PACSIN2: variants seen among roughly 807,000 people sequenced by gnomAD.
PACSIN2 encodes the protein protein kinase C and casein kinase substrate in neurons 2.
Under a neutral mutation model 63.8 loss-of-function variants are expected in PACSIN2, and 25 were observed. That is an observed-to-expected ratio of 0.39 (90% CI 0.29 to 0.55). The LOEUF is 0.55. Ranked by LOEUF, PACSIN2 falls within the 20% of genes least tolerant of loss-of-function variation. The probability of loss-of-function intolerance (pLI) is 0.62; values close to 1 mark genes in which losing one functional copy is unlikely to be tolerated. For missense variants in PACSIN2, 518 were observed against 646.9 expected, an observed-to-expected ratio of 0.80 and a Z score of 2.16; for synonymous variants, 255 against 256.2, an observed-to-expected ratio of 1.00 and a Z score of 0.05.
chr22:42,973,867 C>T (rs1921499921), intron 1 of PACSIN2, among the ~76,000 whole-genome samples: 1 of 152,234 alleles, frequency 6.6e-6, no homozygotes, highest in Non-Finnish European at 1.5e-5. Context: ...AGAGAAAAGC[C>T]CACGAGAGAA....
intron 1 of PACSIN2, among the ~76,000 whole-genome samples, chr22:43,006,968 A>G (rs1334416996): frequency 6.6e-6 from 1 of 152,112 alleles, no homozygotes; most frequent in Non-Finnish European, 1.5e-5. Flanking sequence ...TCCTAGGAAC[A>G]CAGATGGCAA....
chr22:42,882,206 G>C lies in PACSIN2; in HGVS notation c.884C>G (p.Ala295Gly). The C allele has an allele frequency of 6.2e-7, 1 of 1,614,056 alleles. No individual in the cohort carries two copies. Among genetic ancestry groups the C allele is most frequent in the South Asian group, 1.1e-5 (1 of 91,090 alleles). ...TACCTCAAACTGCGGCCAGTTCATG[G>C]CCATGCCCGGCCCGTGATTGGCTCG... ...WFRANHGPGM[A>G]MNWPQFEEWS... is the part of the protein sequence containing the mutation. The change falls in exon 7 of 11, where the codon GCC becomes GGC. Residue 295 changes from alanine (A) to glycine (G), a missense_variant. By Grantham distance (60) the Ala-to-Gly change is moderately conservative (BLOSUM62 0). Coordinates refer to ENST00000263246, the MANE Select transcript of PACSIN2 (RefSeq NM_001184970.3).
intron 1 of PACSIN2, among the ~76,000 whole-genome samples, chr22:42,992,847 T>TA (rs1923133263): frequency 6.6e-6 from 1 of 152,100 alleles, no homozygotes; most frequent in Non-Finnish European, 1.5e-5. Flanking sequence ...GAAGCCAGAC[T>TA]AAAAATAACA....
At chr22:42,922,562 C>T (rs929118998) in intron 1 of PACSIN2, among the ~76,000 whole-genome samples, 3 of 152,216 alleles carry the variant, frequency 2.0e-5, no homozygotes, top group African/African-American at 4.8e-5. Context: ...GGGTTCTGGC[C>T]GCTCCACAGG....
At chr22:42,949,384 C>T (rs1425114481) in intron 1 of PACSIN2, among the ~76,000 whole-genome samples, 1 of 152,128 alleles carries the variant, frequency 6.6e-6, no homozygotes, top group African/African-American at 2.4e-5. Flanking sequence ...CTTACACACC[C>T]ATTCTCAGCT....
chr22:42,972,400 C>T (rs1276361911), intron 1 of PACSIN2, among the ~76,000 whole-genome samples: 1 of 152,168 alleles, frequency 6.6e-6, no homozygotes, highest in Non-Finnish European at 1.5e-5. Flanking sequence ...CCTAGGAAAA[C>T]CAGAGACCCT....
At chr22:43,008,568 C>G (rs190809126) in intron 1 of PACSIN2, among the ~76,000 whole-genome samples, 4 of 152,312 alleles carry the variant, frequency 2.6e-5, no homozygotes, top group Admixed American at 2.6e-4. Context: ...TGTTCTTTTA[C>G]ATATATGAGC....
rs148859275 is a variant in PACSIN2 at position 42,881,857 on chromosome 22, G to A, written c.906+327C>T. ...TGGCCATCCCACAGGGTGGGTCAGG[G>A]ACCTGAGGTCCTGTGTGCCTACGGC... On this transcript the variant is annotated intron_variant, in intron 7 of 10. Transcript: ENST00000263246. Among the ~76,000 whole-genome samples the A allele has an allele frequency of 1.7e-3, 263 of 152,192 alleles. 4 individuals carry two copies. The highest frequency in any genetic ancestry group is 0.014 in the Middle Eastern group (4 of 294).
Position 43,011,478 on chromosome 22 carries a change from C to T in PACSIN2, c.-78+3543G>A, listed in dbSNP as rs1304471729. ...GCGAACTCTAAACACAAGGTGCCAT[C>T]ACTATTATTAAAGAAACTTTTCGAT... On this transcript the variant is annotated intron_variant, in intron 1 of 10. Coordinates refer to ENST00000263246, the MANE Select transcript of PACSIN2 (RefSeq NM_001184970.3). 4.6e-5 allele frequency among the ~76,000 whole-genome samples: 7 copies of T among 152,228 alleles called. No homozygotes were observed. The East Asian group carries it at 1.2e-3, about 25-fold the overall frequency.
chr22:42,931,250 AAACCAGCTGGGT>A lies in PACSIN2; in HGVS notation c.-77-19105_-77-19094del, dbSNP rs57164229. On this transcript the variant is annotated intron_variant, in intron 1 of 10. Coordinates refer to ENST00000263246, the MANE Select transcript of PACSIN2 (RefSeq NM_001184970.3). The stretch of plus-strand genomic sequence containing the variant: ...AATGAATGAATCCCAGCCTTGCTGC[AAACCAGCTGGGT>A]AACCAGGGGCACGTTACTTAACCTT... 8.0e-4 allele frequency among the ~76,000 whole-genome samples: 122 copies of A among 152,384 alleles called. 1 individual carries two copies. The highest frequency in any genetic ancestry group is 2.8e-3 in the African/African-American group (115 of 41,586).
At chr22:42,921,752 T>TG (rs1932210200) in intron 1 of PACSIN2, among the ~76,000 whole-genome samples, 1 of 151,988 alleles carries the variant, frequency 6.6e-6, no homozygotes, top group Non-Finnish European at 1.5e-5. Context: ...TTTTTTTTTT[T>TG]TTAGACAGAA....
intron 2 of PACSIN2, 85 bp downstream of exon 2, chr22:42,911,936 C>T: frequency 1.0e-6 from 1 of 968,370 alleles, no homozygotes; most frequent in South Asian, 1.4e-5. Flanking sequence ...ACCTCAGTTC[C>T]CAACCTCCAC....
intron 1 of PACSIN2, among the ~76,000 whole-genome samples, chr22:42,964,233 C>G (rs1457727790): frequency 6.6e-6 from 1 of 152,136 alleles, no homozygotes; most frequent in Non-Finnish European, 1.5e-5. Flanking sequence ...GCCTGGCCAA[C>G]ATAGTGAAAC....
At chr22:42,907,778 G>T (rs546709998) in intron 2 of PACSIN2, among the ~76,000 whole-genome samples, 1 of 152,386 alleles carries the variant, frequency 6.6e-6, no homozygotes, top group Non-Finnish European at 1.5e-5. Flanking sequence ...CTCATATGGG[G>T]TGCCCAGGAC....
At chr22:42,904,649 A>T (rs967387408) in intron 2 of PACSIN2, among the ~76,000 whole-genome samples, 5 of 152,144 alleles carry the variant, frequency 3.3e-5, no homozygotes, top group African/African-American at 9.7e-5. Flanking sequence ...AAGCTGGAGG[A>T]TCAATTCTTC....
intron 1 of PACSIN2, among the ~76,000 whole-genome samples, chr22:43,009,865 A>ATTTTTTTTTTTTTT (rs898985902): frequency 2.6e-5 from 2 of 75,662 alleles, no homozygotes; most frequent in Non-Finnish European, 3.8e-5. Context: ...TATTTTTTCT[A>ATTTTTTTTTTTTTT]TTTTTTTTTT....
At chr22:42,998,155 AG>A (rs2146913630) in intron 1 of PACSIN2, among the ~76,000 whole-genome samples, 1 of 152,354 alleles carries the variant, frequency 6.6e-6, no homozygotes, top group African/African-American at 2.4e-5. Flanking sequence ...AAGGAAATAC[AG>A]GAAGTTGATG....
At chr22:42,925,272 G>T (rs992050865) in intron 1 of PACSIN2, among the ~76,000 whole-genome samples, 3 of 152,008 alleles carry the variant, frequency 2.0e-5, no homozygotes, top group Non-Finnish European at 2.9e-5. Flanking sequence ...TTGAGGTCAG[G>T]AGTTTAAGAC....
At chr22:42,979,546 GAAAGA>G (rs998223003) in intron 1 of PACSIN2, among the ~76,000 whole-genome samples, 1 of 135,090 alleles carries the variant, frequency 7.4e-6, no homozygotes, top group East Asian at 2.2e-4. Context: ...AAAAAAAAAG[GAAAGA>G]AAAGAAAAAA....
Sources: gnomAD v4.1 joint callset for allele counts (sites outside exome capture counted in the v4.1 genomes callset) on GRCh38, gnomAD v4.1.1 for gene constraint, MANE v1.5 for transcripts, NCBI Gene and HGNC (gene_info 2026-07-23, HGNC 2026-07-21) for gene names.